The following CNTNAP2 variants were observed in gnomAD, a reference collection of about 807,000 sequenced individuals.
CNTNAP2 encodes contactin-associated protein-like 2.
CNTNAP2 carries 98 observed loss-of-function variants against 155.2 expected under a neutral mutation model. The ratio of observed to expected loss-of-function variants is 0.63; its 90% CI spans 0.54 to 0.75. The LOEUF is 0.75. CNTNAP2 is among the 30% of genes least tolerant of loss of function. The pLI is 0.00. For missense variants in CNTNAP2, 1,727 were observed against 1,688.1 expected, an observed-to-expected ratio of 1.02 and a Z score of -0.40; for synonymous variants, 651 against 631.2, an observed-to-expected ratio of 1.03 and a Z score of -0.47.
chr7:147,050,956 A>G (rs1799460375), intron 4 of CNTNAP2, among the ~76,000 whole-genome samples: 1 of 151,904 alleles, frequency 6.6e-6, no homozygotes, highest in Non-Finnish European at 1.5e-5. Flanking sequence ...TTGGGTTCAC[A>G]TTCACATGAA....
rs186693510 is a variant in CNTNAP2 at position 146,388,472 on chromosome 7, A to G, written c.97+271499A>G. On this transcript the variant is annotated intron_variant, in intron 1 of 23. Coordinates refer to ENST00000361727, the MANE Select transcript of CNTNAP2 (RefSeq NM_014141.6). ...ATTTGTGGGTATATAGTAGGTGTAT[A>G]TATTTATGGGGTACATGAGATATTT... Among the ~76,000 whole-genome samples, 480 of 152,118 alleles carry G rather than the reference A, an allele frequency of 3.2e-3. 1 individual carries two copies. The highest frequency in any genetic ancestry group is 8.1e-3 in the African/African-American group (335 of 41,504).
At chr7:147,910,552 G>A (rs185192395) in intron 14 of CNTNAP2, among the ~76,000 whole-genome samples, 3 of 152,290 alleles carry the variant, frequency 2.0e-5, no homozygotes, top group African/African-American at 7.2e-5. Flanking sequence ...CTAGTGAAGA[G>A]ACACCCGAGA....
intron 13 of CNTNAP2, among the ~76,000 whole-genome samples, chr7:147,886,345 G>GGC (rs1415314968): frequency 6.6e-6 from 1 of 151,632 alleles, no homozygotes; most frequent in Non-Finnish European, 1.5e-5. Context: ...TGTGGTGGCA[G>GGC]GCACCTGTAA....
intron 10 of CNTNAP2, among the ~76,000 whole-genome samples, chr7:147,431,895 T>C (rs941494227): frequency 6.6e-6 from 1 of 152,200 alleles, no homozygotes; most frequent in Non-Finnish European, 1.5e-5. Context: ...TCTTTGTTCT[T>C]TAACTTCTTC....
intron 3 of CNTNAP2, among the ~76,000 whole-genome samples, chr7:146,845,944 C>T (rs1803832458): frequency 6.6e-6 from 1 of 152,144 alleles, no homozygotes; most frequent in Non-Finnish European, 1.5e-5. Context: ...TCTGTCCTTT[C>T]TTTTCAGCCA....
intron 1 of CNTNAP2, among the ~76,000 whole-genome samples, chr7:146,677,001 G>A (rs980931433): frequency 2.0e-5 from 3 of 152,174 alleles, no homozygotes; most frequent in Non-Finnish European, 4.4e-5. Flanking sequence ...TATTTTGCAA[G>A]GTTAAGGACA....
chr7:147,418,412 T>C (rs979267646), intron 10 of CNTNAP2, among the ~76,000 whole-genome samples: 7 of 152,148 alleles, frequency 4.6e-5, no homozygotes, highest in African/African-American at 1.7e-4. Flanking sequence ...GGTATCCCTT[T>C]TATTATATAG....
chr7:147,404,367 C>T (rs1280991613), intron 10 of CNTNAP2, among the ~76,000 whole-genome samples: 1 of 152,150 alleles, frequency 6.6e-6, no homozygotes, highest in African/African-American at 2.4e-5. Context: ...GCTCTTGCGT[C>T]CTAAAACCTA....
chr7:147,466,128 G>A (rs749516180), intron 10 of CNTNAP2, among the ~76,000 whole-genome samples: 4 of 152,182 alleles, frequency 2.6e-5, no homozygotes, highest in Non-Finnish European at 5.9e-5. Context: ...CATTTTTAAT[G>A]TCTACGTTCA....
chr7:146,306,738 A>C (rs1292595565), intron 1 of CNTNAP2, among the ~76,000 whole-genome samples: 2 of 148,594 alleles, frequency 1.3e-5, no homozygotes, highest in African/African-American at 5.3e-5. Flanking sequence ...AAACCACATG[A>C]TTATCTCAGT....
At chr7:146,947,556 TGTATATATATATATATATAC>T (rs1403106121) in intron 3 of CNTNAP2, among the ~76,000 whole-genome samples, 111 of 32,848 alleles carry the variant, frequency 3.4e-3, no homozygotes, top group African/African-American at 8.7e-3. Context: ...TGTGTGTGTG[TGTATATATATATATATATAC>T]ATATATATAT....
chr7:147,983,164 T>C (rs374170466), intron 15 of CNTNAP2, among the ~76,000 whole-genome samples: 13 of 152,076 alleles, frequency 8.5e-5, no homozygotes, highest in East Asian at 1.9e-4. Flanking sequence ...CGAGCATACA[T>C]AGGCCACATA....
At chr7:146,140,854 A>G (rs1317546458) in intron 1 of CNTNAP2, among the ~76,000 whole-genome samples, 1 of 152,138 alleles carries the variant, frequency 6.6e-6, no homozygotes, top group Admixed American at 6.6e-5. Context: ...CTGGATTATT[A>G]TGAAGGGGGT....
intron 10 of CNTNAP2, among the ~76,000 whole-genome samples, chr7:147,408,626 C>T (rs1343453635): frequency 6.6e-5 from 10 of 152,040 alleles, no homozygotes; most frequent in Non-Finnish European, 1.3e-4. Context: ...GGCGTGGTGG[C>T]GGGCGCCTGT....
At chr7:147,383,528 C>G (rs748072198) in intron 9 of CNTNAP2, among the ~76,000 whole-genome samples, 2 of 151,956 alleles carry the variant, frequency 1.3e-5, no homozygotes, top group Non-Finnish European at 2.9e-5. Flanking sequence ...GAACAGAAAC[C>G]CAAACACCAC....
Position 147,821,684 on chromosome 7 carries a change from G to A in CNTNAP2, c.2099-81881G>A, listed in dbSNP as rs534587054. ...TGGGGAGGAACCTGCAAAGGAAAAG[G>A]CCCTGAAAAGGGAAATGGCTGAAGA... On this transcript the variant is annotated intron_variant, in intron 13 of 23. Coordinates refer to ENST00000361727, the MANE Select transcript of CNTNAP2 (RefSeq NM_014141.6). Among the ~76,000 whole-genome samples, 3 of 152,198 alleles carry A rather than the reference G, an allele frequency of 2.0e-5. No individual in the cohort carries two copies. The South Asian group carries it at 6.2e-4, about 32-fold the overall frequency.
Position 147,251,409 on chromosome 7 carries a change from G to T in CNTNAP2, c.1349-48732G>T, listed in dbSNP as rs114181952. Reference sequence around the variant, plus strand: ...TTATCTTGATGTTAAATGTTACTTTGTTGTGGAATGTTTAGTCAAAACAGA... The same window carrying T: ...TTATCTTGATGTTAAATGTTACTTTTTTGTGGAATGTTTAGTCAAAACAGA... On this transcript the variant is annotated intron_variant, in intron 8 of 23. Coordinates refer to ENST00000361727, the MANE Select transcript of CNTNAP2 (RefSeq NM_014141.6). Among the ~76,000 whole-genome samples the T allele has an allele frequency of 5.4e-3, 817 of 152,240 alleles. 15 individuals are homozygous for T. Among genetic ancestry groups the T allele is most frequent in the African/African-American group, 0.019 (777 of 41,546 alleles).
chr7:147,063,247 A>G (rs1054159648), intron 4 of CNTNAP2, among the ~76,000 whole-genome samples: 15 of 152,184 alleles, frequency 9.9e-5, no homozygotes, highest in African/African-American at 2.2e-4. Flanking sequence ...GAAGTCATCA[A>G]TGGGTGGACT....
intron 1 of CNTNAP2, among the ~76,000 whole-genome samples, chr7:146,634,183 C>T (rs1281081548): frequency 1.3e-5 from 2 of 152,194 alleles, no homozygotes; most frequent in Non-Finnish European, 2.9e-5. Context: ...CAGCTGTTCA[C>T]TATGAGATTA....
Sources: allele counts gnomAD v4.1 joint callset (sites outside exome capture counted in the v4.1 genomes callset), GRCh38; gene constraint gnomAD v4.1.1; transcripts MANE v1.5; gene names NCBI Gene and HGNC (gene_info 2026-07-23, HGNC 2026-07-21).